Variants in ZFHX3 observed in about 807,000 individuals in gnomAD.
The protein encoded by ZFHX3 is zinc finger homeobox protein 3.
Under a neutral mutation model 279.1 loss-of-function variants are expected in ZFHX3, and 42 were observed. That is an observed-to-expected ratio of 0.15 (90% CI 0.12 to 0.19). The LOEUF is 0.19. Among genes scored for constraint, ZFHX3 ranks in the 10% least tolerant of loss-of-function variants. The pLI, the probability that ZFHX3 is intolerant of heterozygous loss-of-function variation, is 1.00. For synonymous variants in ZFHX3, 2,293 were observed against 1,957.8 expected (o/e 1.17, Z -4.52); for missense variants, 4,981 against 4,754.0 (o/e 1.05, Z -1.40).
intron 4 of ZFHX3, among the ~76,000 whole-genome samples, chr16:72,855,262 T>C (rs1479288393): frequency 6.6e-6 from 1 of 152,188 alleles, no homozygotes; most frequent in Non-Finnish European, 1.5e-5. Flanking sequence ...GAAAATGAGA[T>C]CTGGTGACAA....
intron 4 of ZFHX3, among the ~76,000 whole-genome samples, chr16:73,305,880 G>C (rs1329654193): frequency 6.6e-6 from 1 of 152,074 alleles, no homozygotes; most frequent in African/African-American, 2.4e-5. Flanking sequence ...AAAGCACATA[G>C]GCCTAGCTTC....
At chr16:73,036,600 G>C (rs574009818) in intron 1 of ZFHX3, among the ~76,000 whole-genome samples, 1 of 152,148 alleles carries the variant, frequency 6.6e-6, no homozygotes, top group African/African-American at 2.4e-5. Context: ...GGGAGGTGGA[G>C]GTAGAGGGTA....
chr16:73,366,236 G>A (rs2016525920), intron 3 of ZFHX3, among the ~76,000 whole-genome samples: 1 of 152,196 alleles, frequency 6.6e-6, no homozygotes, highest in Admixed American at 6.5e-5. Flanking sequence ...CAGCCTCAGT[G>A]TCCAGCAATA....
chr16:72,856,211 T>C (rs1597315307), intron 4 of ZFHX3, among the ~76,000 whole-genome samples: 1 of 152,312 alleles, frequency 6.6e-6, no homozygotes, highest in East Asian at 1.9e-4. Context: ...CTAGGCGCTG[T>C]ACCTGTCTGT....
chr16:72,984,444 C>G (rs185441190), intron 1 of ZFHX3, among the ~76,000 whole-genome samples: 1 of 151,984 alleles, frequency 6.6e-6, no homozygotes, highest in African/African-American at 2.4e-5. Flanking sequence ...CTGGGCAACA[C>G]AGTGCGACCT....
intron 1 of ZFHX3, among the ~76,000 whole-genome samples, chr16:73,881,486 C>CCCCA: frequency 1.2e-5 from 1 of 80,688 alleles, no homozygotes; most frequent in Non-Finnish European, 3.4e-5. Flanking sequence ...CTCTGCCCCC[C>CCCCA]CCCCCCACTC....
chr16:73,586,213 AC>A (rs775508089), intron 2 of ZFHX3, among the ~76,000 whole-genome samples: 2 of 151,988 alleles, frequency 1.3e-5, no homozygotes, highest in Non-Finnish European at 2.9e-5. Flanking sequence ...ACATGGTGAA[AC>A]CCCGTCTCTG....
At chr16:73,229,794 G>A (rs72797329) in intron 5 of ZFHX3, among the ~76,000 whole-genome samples, 3,326 of 152,282 alleles carry the variant, frequency 0.022, 60 homozygotes, top group Non-Finnish European at 0.029. Flanking sequence ...AGAGGACAGA[G>A]AACCAAATAA....
chr16:73,665,104 A>G (rs1160368911), intron 2 of ZFHX3, among the ~76,000 whole-genome samples: 2 of 152,178 alleles, frequency 1.3e-5, no homozygotes, highest in Non-Finnish European at 2.9e-5. Flanking sequence ...AATGTAGAGG[A>G]TGAATACAAA....
chr16:72,939,433 C>G (rs1193904009), intron 3 of ZFHX3, among the ~76,000 whole-genome samples: 1 of 152,242 alleles, frequency 6.6e-6, no homozygotes, highest in African/African-American at 2.4e-5. Context: ...TCTGCTAAGA[C>G]ACTCCCTGCC....
At chr16:73,459,123 A>G (rs913306035) in intron 2 of ZFHX3, among the ~76,000 whole-genome samples, 2 of 152,228 alleles carry the variant, frequency 1.3e-5, no homozygotes, top group Non-Finnish European at 2.9e-5. Context: ...AGAAAACACA[A>G]AAAGTTAATT....
intron 3 of ZFHX3, among the ~76,000 whole-genome samples, chr16:72,947,091 C>A (rs917515293): frequency 1.3e-5 from 2 of 152,188 alleles, no homozygotes; most frequent in Admixed American, 6.5e-5. Flanking sequence ...AGGCCAGAGC[C>A]GGCCACTGTT....
intron 2 of ZFHX3, among the ~76,000 whole-genome samples, chr16:73,592,147 T>C (rs920006837): frequency 2.0e-5 from 3 of 151,960 alleles, no homozygotes; most frequent in African/African-American, 4.8e-5. Flanking sequence ...ACAGGAGAAC[T>C]GCTTGAACTC....
chr16:73,694,248 G>C (rs1567553988), intron 1 of ZFHX3, among the ~76,000 whole-genome samples: 1 of 152,132 alleles, frequency 6.6e-6, no homozygotes, highest in Non-Finnish European at 1.5e-5. Flanking sequence ...GCTTGAACTG[G>C]GGAGGCAGAG....
At chr16:72,837,906 A>G (rs2037238387) in intron 4 of ZFHX3, among the ~76,000 whole-genome samples, 2 of 152,164 alleles carry the variant, frequency 1.3e-5, no homozygotes, top group Admixed American at 6.5e-5. Flanking sequence ...CTGGACCTAC[A>G]AACTCTTTTT....
At chr16:73,194,168 T>C (rs1473956840) in intron 5 of ZFHX3, among the ~76,000 whole-genome samples, 1 of 152,182 alleles carries the variant, frequency 6.6e-6, no homozygotes, top group African/African-American at 2.4e-5. Context: ...GTTTAGGAAC[T>C]TCTTTTTTAT....
chr16:73,252,452 G>T (rs1048026138), intron 5 of ZFHX3, among the ~76,000 whole-genome samples: 4 of 152,172 alleles, frequency 2.6e-5, no homozygotes, highest in Admixed American at 2.6e-4. Flanking sequence ...AACCTGAATG[G>T]CTAACAGGCC....
chr16:73,050,867 T>G (rs1244261631), upstream of ZFHX3, among the ~76,000 whole-genome samples: 1 of 152,188 alleles, frequency 6.6e-6, no homozygotes, highest in Non-Finnish European at 1.5e-5. Flanking sequence ...GGATAAATAT[T>G]TAAAAATAAA....
intron 2 of ZFHX3, among the ~76,000 whole-genome samples, chr16:73,468,546 G>C (rs574349559): frequency 2.1e-4 from 32 of 152,146 alleles, no homozygotes; most frequent in Non-Finnish European, 3.2e-4. Context: ...GACCAGCCTG[G>C]CCAACATGGC....
Sources: allele counts gnomAD v4.1 joint callset (sites outside exome capture counted in the v4.1 genomes callset), GRCh38; gene constraint gnomAD v4.1.1; transcripts MANE v1.5; gene names NCBI Gene and HGNC (gene_info 2026-07-23, HGNC 2026-07-21).